Variants in LRBA observed in about 807,000 individuals in gnomAD.
LRBA encodes the protein LPS responsive beige-like anchor protein, also known as lipopolysaccharide-responsive and beige-like anchor protein.
In LRBA, 176 loss-of-function variants were observed where a neutral mutation model predicts 330.0. That is an observed-to-expected ratio of 0.53 (90% CI 0.47 to 0.60). The LOEUF is 0.60. Ranked by LOEUF, LRBA falls within the 20% of genes least tolerant of loss-of-function variation. The probability of loss-of-function intolerance (pLI) is 0.00; values close to 1 mark genes in which losing one functional copy is unlikely to be tolerated. For synonymous variants in LRBA, 1,230 were observed against 1,193.0 expected (o/e 1.03, Z -0.64); for missense variants, 3,259 against 3,444.8 (o/e 0.95, Z 1.35).
At chr4:150,337,728 C>T (rs1308912627) in intron 48 of LRBA, among the ~76,000 whole-genome samples, 1 of 152,064 alleles carries the variant, frequency 6.6e-6, no homozygotes, top group African/African-American at 2.4e-5. Flanking sequence ...GTATTCAATA[C>T]TCCTAATTTA....
intron 40 of LRBA, among the ~76,000 whole-genome samples, chr4:150,495,313 A>G (rs1229600875): frequency 6.6e-6 from 1 of 152,200 alleles, no homozygotes; most frequent in Non-Finnish European, 1.5e-5. Context: ...ATGGTATCAT[A>G]CTGAATGTAT....
intron 51 of LRBA, among the ~76,000 whole-genome samples, chr4:150,313,200 G>T (rs894001439): frequency 6.6e-6 from 1 of 151,928 alleles, no homozygotes; most frequent in Non-Finnish European, 1.5e-5. Flanking sequence ...ATAAATTCAA[G>T]ATAAAAAAGT....
chr4:150,942,471 C>A (rs1434657189), intron 2 of LRBA, among the ~76,000 whole-genome samples: 1 of 152,084 alleles, frequency 6.6e-6, no homozygotes, highest in Non-Finnish European at 1.5e-5. Context: ...ACCATTTTGA[C>A]CTCTCCAGCC....
intron 49 of LRBA, among the ~76,000 whole-genome samples, chr4:150,325,221 A>G (rs1733081377): frequency 6.6e-6 from 1 of 152,132 alleles, no homozygotes; most frequent in Non-Finnish European, 1.5e-5. Flanking sequence ...ACCCCCAAGC[A>G]GTGTGTGAGT....
intron 34 of LRBA, among the ~76,000 whole-genome samples, chr4:150,775,941 G>GA (rs887735657): frequency 4.0e-5 from 6 of 149,424 alleles, no homozygotes; most frequent in African/African-American, 1.2e-4. Context: ...AAAGAGGGGA[G>GA]AAAAAAAAGA....
chr4:151,015,284 C>G lies in LRBA; in HGVS notation c.-302G>C, dbSNP rs1447837825. The G allele has an allele frequency of 6.5e-6, 1 of 152,702 alleles. No individual in the cohort carries two copies. Among genetic ancestry groups the G allele is most frequent in the Non-Finnish European group, 1.5e-5 (1 of 68,582 alleles). The allele number at this position is 152,702 out of a possible 1,614,324, so 9.5% of individuals were successfully genotyped here. A position where few individuals can be genotyped will look rare whatever the true frequency, so the allele number is the denominator to read the frequency against. ...GGCGGAGATCCAGGGCAGGAAAAGG[C>G]GGGGGAAGGGGGCGGTGATTATTCT... On this transcript the variant is annotated 5_prime_UTR_variant, in exon 1 of 57. Transcript: ENST00000651943.
At chr4:150,542,392 T>C (rs557293052) in intron 40 of LRBA, among the ~76,000 whole-genome samples, 1 of 152,246 alleles carries the variant, frequency 6.6e-6, no homozygotes, top group East Asian at 1.9e-4. Flanking sequence ...ACTTACAGCA[T>C]ATCACACATT....
At chr4:150,451,802 A>G (rs2134959) in intron 44 of LRBA, among the ~76,000 whole-genome samples, 59,744 of 151,926 alleles carry the variant, frequency 0.39, 12,195 homozygotes, top group South Asian at 0.51. Context: ...TGCCAGTATC[A>G]AGAATGAATG....
intron 40 of LRBA, among the ~76,000 whole-genome samples, chr4:150,552,005 C>T (rs924315983): frequency 3.3e-5 from 5 of 152,092 alleles, no homozygotes; most frequent in Non-Finnish European, 5.9e-5. Flanking sequence ...CGACTCAGAT[C>T]GTCTGACATT....
intron 1 of LRBA, 116 bp from the exon 2 acceptor site, chr4:151,014,977 A>C: frequency 4.8e-6 from 1 of 209,994 alleles, no homozygotes; most frequent in Non-Finnish European, 9.6e-6. Flanking sequence ...CCCCACTACT[A>C]GCCACCCGCT....
chr4:151,012,974 A>G (rs371783261), intron 2 of LRBA: 1 of 152,082 alleles, frequency 6.6e-6, no homozygotes, highest in African/African-American at 2.4e-5. Context: ...CATGTTGACT[A>G]GGCCAGTCTC....
chr4:150,566,097 T>TAC (rs974903627), intron 40 of LRBA, among the ~76,000 whole-genome samples: 7 of 151,092 alleles, frequency 4.6e-5, no homozygotes, highest in African/African-American at 1.5e-4. Context: ...GGCATGGTGG[T>TAC]ACATGCCTGT....
intron 37 of LRBA, among the ~76,000 whole-genome samples, chr4:150,639,614 G>C (rs894131564): frequency 7.3e-6 from 1 of 137,384 alleles, no homozygotes; most frequent in African/African-American, 2.7e-5. Context: ...AAAAATTCTA[G>C]ACATTCCACA....
chr4:150,758,461 T>TA (rs1734608852), intron 35 of LRBA, among the ~76,000 whole-genome samples: 1 of 152,142 alleles, frequency 6.6e-6, no homozygotes, highest in Admixed American at 6.6e-5. Flanking sequence ...ATCTTCAAAA[T>TA]AGGTTCATAA....
In LRBA at chr4:150,435,619, T is replaced by A; in HGVS notation, c.7011A>T (p.Arg2337=). 6.2e-7 allele frequency: 1 copy of A among 1,613,058 alleles called. No individual in the cohort carries two copies. Among genetic ancestry groups the A allele is most frequent in the Non-Finnish European group, 8.5e-7 (1 of 1,179,664 alleles). Reference sequence around the variant, plus strand: ...TATCAGAGGTATCACGCTGACTGTTTCGCCAAGCTCTGGAAATTGATGAAA... The same window carrying A: ...TATCAGAGGTATCACGCTGACTGTTACGCCAAGCTCTGGAAATTGATGAAA... The part of the protein sequence containing the change: ...RTFSSISRAW[R]NSQRDTSDIK... The change falls in exon 46 of 57, where the codon CGA becomes CGT. Residue 2337 remains arginine, a synonymous_variant. Coordinates refer to ENST00000651943, the MANE Select transcript of LRBA (RefSeq NM_001364905.1).
chr4:150,731,190 G>A (rs750818340), intron 36 of LRBA, among the ~76,000 whole-genome samples: 3 of 152,148 alleles, frequency 2.0e-5, no homozygotes, highest in Non-Finnish European at 4.4e-5. Context: ...TACACTATTG[G>A]TGGAGTGTAA....
intron 47 of LRBA, among the ~76,000 whole-genome samples, chr4:150,396,746 G>A (rs542173426): frequency 6.6e-6 from 1 of 152,244 alleles, no homozygotes; most frequent in South Asian, 2.1e-4. Flanking sequence ...CACTTGACAA[G>A]TGCCATATGA....
chr4:150,402,029 G>A (rs1444666363), intron 47 of LRBA, among the ~76,000 whole-genome samples: 3 of 151,466 alleles, frequency 2.0e-5, no homozygotes, highest in South Asian at 2.1e-4. Flanking sequence ...GGCGGCTCAC[G>A]CCTGTAATCC....
chr4:150,995,322 T>C (rs1160568916), intron 2 of LRBA, among the ~76,000 whole-genome samples: 1 of 151,620 alleles, frequency 6.6e-6, no homozygotes, highest in East Asian at 1.9e-4. Flanking sequence ...CATGGAAGAT[T>C]ATCTCACAAT....
Sources: gnomAD v4.1 joint callset for allele counts (sites outside exome capture counted in the v4.1 genomes callset) on GRCh38, gnomAD v4.1.1 for gene constraint, MANE v1.5 for transcripts, NCBI Gene and HGNC (gene_info 2026-07-23, HGNC 2026-07-21) for gene names.